Variants in JAG2 observed in about 807,000 individuals in gnomAD.
The protein encoded by JAG2 is protein jagged-2.
In JAG2, 46 loss-of-function variants were observed where a neutral mutation model predicts 141.7. That is an observed-to-expected ratio of 0.32 (90% CI 0.26 to 0.42). The LOEUF (loss-of-function observed/expected upper bound fraction) is 0.42. JAG2 is among the 10% of genes least tolerant of loss of function. JAG2 has a pLI of 1.00. For missense variants in JAG2, 1,500 were observed against 1,817.5 expected, an observed-to-expected ratio of 0.83 and a Z score of 3.18; for synonymous variants, 862 against 763.5, an observed-to-expected ratio of 1.13 and a Z score of -2.13.
intron 2 of JAG2, among the ~76,000 whole-genome samples, chr14:105,165,888 G>A (rs1888893721): frequency 6.6e-6 from 1 of 152,256 alleles, no homozygotes; most frequent in Admixed American, 6.5e-5. Flanking sequence ...GTACACCTCA[G>A]CTCACCGCAC....
intron 12 of JAG2, among the ~76,000 whole-genome samples, chr14:105,149,613 T>C (rs2140976877): frequency 6.6e-6 from 1 of 151,712 alleles, no homozygotes; most frequent in East Asian, 2.0e-4. Flanking sequence ...GGACAGCTCC[T>C]GAGCCCCTCA....
Position 105,145,847 on chromosome 14 carries a change from A to G in JAG2, c.2836T>C (p.Trp946Arg), listed in dbSNP as rs202211653. Residue 946 changes from tryptophan to arginine, a missense_variant, in exon 23 of 26, where the codon TGG becomes CGG. Around this residue, in one of 3 missense-constraint regions of JAG2, gnomAD observed 425 missense variants for 441.0 expected, o/e 0.96. Coordinates refer to ENST00000331782, the MANE Select transcript of JAG2 (RefSeq NM_002226.5). Reference protein sequence around the residue: ...GQCLRPPCEAWGECGAEEPPS... With the variant: ...GQCLRPPCEARGECGAEEPPS... ...GGCTCTTCTGCGCCGCACTCCCCCC[A>G]GGCCTCACAGGGTGGTCGCAGACAC... The G allele has an allele frequency of 3.2e-5, 50 of 1,561,328 alleles. No individual in the cohort carries two copies. In the African/African-American group the frequency reaches 6.7e-4, roughly 21 times the overall value.
At chr14:105,157,839 G>A in intron 2 of JAG2, 76 bp from the exon 3 acceptor site, 1 of 1,340,990 alleles carries the variant, frequency 7.5e-7, no homozygotes, top group African/African-American at 1.4e-5. Flanking sequence ...CAAGGCCCAG[G>A]GCTCAGACGC....
chr14:105,161,792 C>T (rs587606457), intron 2 of JAG2, among the ~76,000 whole-genome samples: 1 of 152,360 alleles, frequency 6.6e-6, no homozygotes, highest in Non-Finnish European at 1.5e-5. Context: ...GAATAGCAAC[C>T]TCTCATCCCT....
At position 105,146,728 on chromosome 14, in the gene JAG2, C is replaced by T. The variant is rs1431812826; in HGVS notation, c.2480-4G>A. The T allele has an allele frequency of 1.2e-6, 2 of 1,609,024 alleles. No homozygotes were observed. Among genetic ancestry groups the T allele is most frequent in the East Asian group, 4.5e-5 (2 of 44,836 alleles). On this transcript the variant is annotated splice_polypyrimidine_tract_variant and splice_region_variant and intron_variant, in intron 20 of 25. Coordinates refer to ENST00000331782, the MANE Select transcript of JAG2 (RefSeq NM_002226.5). ...GAGGACTGGCACTCGTCGATGTCTG[C>T]AGGGAGAGCCACCGCTGCTCAGTGC... is the stretch of plus-strand genomic sequence containing the variant.
In JAG2 at chr14:105,154,703, C is replaced by G. The variant is rs993706041; in HGVS notation, c.788+859G>C. ...CCCGTCACCGCCTGAATGCCACCCC[C>G]CACAGGCCCCGCGTGGCGCAGGCCA... On this transcript the variant is annotated intron_variant, in intron 5 of 25. Coordinates refer to ENST00000331782, the MANE Select transcript of JAG2 (RefSeq NM_002226.5). The surrounding 1 kb of genome is among the most constrained non-coding windows in gnomAD (Gnocchi z 4.4). Among the ~76,000 whole-genome samples the G allele has an allele frequency of 6.6e-6, 1 of 152,156 alleles. No individual in the cohort carries two copies.
chr14:105,153,824 G>A (rs1321931556), intron 5 of JAG2, among the ~76,000 whole-genome samples: 1 of 152,082 alleles, frequency 6.6e-6, no homozygotes, highest in Non-Finnish European at 1.5e-5. Context: ...CATTCAAGCT[G>A]CCAGCCAGCA....
intron 5 of JAG2, 60 bp downstream of exon 5, chr14:105,155,502 G>T (rs1025704011): frequency 1.9e-6 from 3 of 1,575,490 alleles, no homozygotes; most frequent in Non-Finnish European, 2.6e-6. Flanking sequence ...GGCTGTGTGT[G>T]CCAGTGAGGA....
At chr14:105,162,734 GTACACCCCACA>G (rs1888791254) in intron 2 of JAG2, among the ~76,000 whole-genome samples, 5 of 47,786 alleles carry the variant, frequency 1.0e-4, no homozygotes, top group East Asian at 3.8e-4. Flanking sequence ...CCTAGATCCA[GTACACCCCACA>G]GCCTTGTGCA....
chr14:105,160,709 A>T (rs1350915608), intron 2 of JAG2, among the ~76,000 whole-genome samples: 3 of 152,050 alleles, frequency 2.0e-5, no homozygotes, highest in Non-Finnish European at 4.4e-5. Flanking sequence ...CTAAAAATAT[A>T]AAAATTAGCC....
At chr14:105,161,504 A>G (rs1286291443) in intron 2 of JAG2, among the ~76,000 whole-genome samples, 1 of 152,100 alleles carries the variant, frequency 6.6e-6, no homozygotes, top group Non-Finnish European at 1.5e-5. Flanking sequence ...CCTTCGCCTG[A>G]GCCCAGGGCT....
At position 105,154,799 on chromosome 14, in the gene JAG2, C is replaced by A. The variant is rs192173559; in HGVS notation, c.788+763G>T. On this transcript the variant is annotated intron_variant, in intron 5 of 25. Transcript: ENST00000331782. The surrounding 1 kb of genome is among the most constrained non-coding windows in gnomAD (Gnocchi z 4.4). ...CATCGCCTCTCCACATCCAGCTAAC[C>A]CCGGCCCCGCCTGCTCCTCTGTGGC... is the stretch of plus-strand genomic sequence containing the variant. Among the ~76,000 whole-genome samples, 1,081 of 152,196 alleles carry A rather than the reference C, an allele frequency of 7.1e-3. 16 individuals are homozygous for A. Among genetic ancestry groups the A allele is most frequent in the African/African-American group, 0.025 (1,044 of 41,496 alleles).
intron 5 of JAG2, 131 bp downstream of exon 5, chr14:105,155,431 G>T: frequency 1.0e-6 from 1 of 1,004,020 alleles, no homozygotes; most frequent in Non-Finnish European, 1.6e-6. Context: ...CGAGCTCAGG[G>T]CCCGGCTCTC....
chr14:105,143,546 G>C lies in JAG2; in HGVS notation c.3177C>G (p.Ser1059Arg). The change falls in exon 25 of 26, where the codon AGC (serine) becomes AGG (arginine). Residue 1059 changes from serine to arginine, a missense_variant. By Grantham distance (110) the Ser-to-Arg change is moderately radical. This residue lies in a region of JAG2 where 425 missense variants were observed against 441.0 expected (regional missense o/e 0.96). Coordinates refer to ENST00000331782, the MANE Select transcript of JAG2 (RefSeq NM_002226.5). ...IVAAITQRGN[S>R]SLLLAVTEVK... ...CCTCGGTGACAGCCAGGAGCAGTGAGCTGTTCCCCCGCTGGGTGATGGCGG... is the reference window on the plus strand; with the variant it reads ...CCTCGGTGACAGCCAGGAGCAGTGACCTGTTCCCCCGCTGGGTGATGGCGG... 4 of 1,595,292 alleles carry C rather than the reference G, an allele frequency of 2.5e-6. No homozygotes were observed. Among genetic ancestry groups the C allele is most frequent in the South Asian group, 2.3e-5 (2 of 87,998 alleles).
At position 105,146,627 on chromosome 14, in the gene JAG2, G is replaced by C. The variant is rs768996091; in HGVS notation, c.2577C>G (p.Gly859=). 1.2e-6 allele frequency: 2 copies of C among 1,612,556 alleles called. No individual in the cohort carries two copies. Among genetic ancestry groups the C allele is most frequent in the African/African-American group, 2.7e-5 (2 of 75,066 alleles). Residue 859 remains glycine, a synonymous_variant, in exon 21 of 26, where the codon GGC becomes GGG. Transcript: ENST00000331782. ...GGGGCCTACCTTCCTGGCACCGGGG[G>C]CCGGCTCGGCCGGGTGGGCAGCTAC... ...YRCSCPPGRA[G]PRCQEVIGFG... is the part of the protein sequence containing the mutation.
At chr14:105,143,372 G>A in intron 25 of JAG2, 110 bp downstream of exon 25, 3 of 1,368,878 alleles carry the variant, frequency 2.2e-6, no homozygotes, top group Non-Finnish European at 3.0e-6. Context: ...AGGTGCCAGG[G>A]ACTTCTGTGT....
rs1888050310 is a variant in JAG2 at position 105,141,146 on chromosome 14, G to A, written c.*1549C>T. The A allele has an allele frequency of 2.0e-5, 3 of 152,268 alleles. No individual in the cohort carries two copies. The highest frequency in any genetic ancestry group is 3.4e-3 in the Middle Eastern group (1 of 294). The allele number at this position is 152,268 out of a possible 1,614,324, so 9.4% of individuals were successfully genotyped here. ...AGTTGACCTCCTACCCCTCACAGCA[G>A]GGTAAAGACTTGCACATCACTGACA... On this transcript the variant is annotated 3_prime_UTR_variant, in exon 26 of 26. Transcript: ENST00000331782.
At position 105,151,989 on chromosome 14, in the gene JAG2, G is replaced by T. The variant is rs1261324215; in HGVS notation, c.988C>A (p.Gln330Lys). Residue 330 changes from glutamine (Q) to lysine (K), a missense_variant, in exon 7 of 26, where the codon CAG (glutamine) becomes AAG (lysine). Physicochemically the swap from Gln to Lys is moderately conservative, Grantham distance 53. Coordinates refer to ENST00000331782, the MANE Select transcript of JAG2 (RefSeq NM_002226.5). Reference protein sequence around the residue: ...GGTCINAEPDQYRCTCPDGYS... With the variant: ...GGTCINAEPDKYRCTCPDGYS... The stretch of plus-strand genomic sequence containing the variant: ...CCGTCAGGGCAGGTGCAGCGGTACT[G>T]GTCAGGCTCGGCGTTGATGCACGTG... 1.9e-6 allele frequency: 3 copies of T among 1,613,368 alleles called. No individual in the cohort carries two copies. The highest frequency in any genetic ancestry group is 3.3e-5 in the Admixed American group (2 of 60,022).
rs187981259 is a variant in JAG2 at position 105,151,866 on chromosome 14, T to C, written c.1039+72A>G. 4.6e-3 allele frequency: 7,442 copies of C among 1,610,308 alleles called. 25 individuals are homozygous for C. Among genetic ancestry groups the C allele is most frequent in the Non-Finnish European group, 4.8e-3 (5,602 of 1,178,782 alleles). On this transcript the variant is annotated intron_variant, in intron 7 of 25. Transcript: ENST00000331782. The stretch of plus-strand genomic sequence containing the variant: ...CCCACCACACAGGACGCCAGAGGGA[T>C]GGGGCCTGACCGGCTCCCCAGGGAA...
Sources: gnomAD v4.1 joint callset for allele counts (sites outside exome capture counted in the v4.1 genomes callset) on GRCh38, gnomAD v4.1.1 for gene constraint, gnomAD v4.1.1 regional missense constraint, Gnocchi (gnomAD v3.1) non-coding constraint, MANE v1.5 for transcripts, NCBI Gene and HGNC (gene_info 2026-07-23, HGNC 2026-07-21) for gene names.